CPS1: variants seen among roughly 807,000 people sequenced by gnomAD.
CPS1 encodes carbamoyl-phosphate synthase 1.
Under a neutral mutation model 174.6 loss-of-function variants are expected in CPS1, and 109 were observed. The ratio of observed to expected loss-of-function variants is 0.62; its 90% confidence interval spans 0.53 to 0.73. CPS1 has a LOEUF of 0.73. Ranked by LOEUF, CPS1 falls within the 30% of genes least tolerant of loss-of-function variation. CPS1 has a pLI of 0.00. For synonymous variants in CPS1, 637 were observed against 632.0 expected (o/e 1.01, Z -0.12); for missense variants, 1,689 against 1,821.9 (o/e 0.93, Z 1.33).
At position 210,600,611 on chromosome 2, in the gene CPS1, A is replaced by G; in HGVS notation, c.1606A>G (p.Thr536Ala). 1 of 1,612,328 alleles carries G rather than the reference A, an allele frequency of 6.2e-7. No homozygotes were observed. ...LKEYGVKVLGTSVESIMATED... is the reference protein window; with the variant it reads ...LKEYGVKVLGASVESIMATED... ...GGAATATGGTGTGAAAGTCCTGGGA[A>G]CTTCAGTTGAGTCCATTATGGCTAC... Residue 536 changes from threonine to alanine, a missense_variant, in exon 15 of 38, where the codon ACT becomes GCT. Thr to Ala is a moderately conservative substitution (Grantham distance 58). Transcript: ENST00000233072.
Position 210,573,349 on chromosome 2 carries a change from T to A in CPS1, c.178T>A (p.Ser60Thr), listed in dbSNP as rs1022147946. The A allele has an allele frequency of 6.2e-7, 1 of 1,613,156 alleles. No homozygotes were observed. The highest frequency in any genetic ancestry group is 2.2e-5 in the East Asian group (1 of 44,878). Residue 60 changes from serine (S) to threonine (T), a missense_variant, in exon 2 of 38, where the codon TCC becomes ACC. Ser to Thr is a moderately conservative substitution (Grantham distance 58). Transcript: ENST00000233072. ...AGATGGAACTAAGATGAAAGGTTAC[T>A]CCTTTGGCCATCCATCCTCTGTTGC... ...LEDGTKMKGYSFGHPSSVAGE... is the reference protein window; with the variant it reads ...LEDGTKMKGYTFGHPSSVAGE...
intron 7 of CPS1, among the ~76,000 whole-genome samples, chr2:210,589,880 G>C (rs1282876031): frequency 6.6e-6 from 1 of 151,660 alleles, no homozygotes; most frequent in African/African-American, 2.4e-5. Flanking sequence ...GACTTCCTGG[G>C]CTCAAGCAAT....
intron 1 of CPS1, among the ~76,000 whole-genome samples, chr2:210,547,976 T>C (rs1696606813): frequency 6.6e-6 from 1 of 152,020 alleles, no homozygotes; most frequent in Admixed American, 6.6e-5. Context: ...TGTTAATTAG[T>C]TAATCAAGTA....
chr2:210,486,234 G>A (rs1694720925), intron 1 of CPS1, among the ~76,000 whole-genome samples: 1 of 150,990 alleles, frequency 6.6e-6, no homozygotes, highest in African/African-American at 2.4e-5. Context: ...TTTAAATTGG[G>A]ATGTTTATTT....
intron 30 of CPS1, chr2:210,658,183 T>C: frequency 4.4e-6 from 1 of 228,658 alleles, no homozygotes; most frequent in Non-Finnish European, 8.7e-6. Flanking sequence ...ATCTCTCTGG[T>C]TTCTTTGCAG....
At chr2:210,490,845 T>C (rs1694856204) in intron 1 of CPS1, among the ~76,000 whole-genome samples, 1 of 152,210 alleles carries the variant, frequency 6.6e-6, no homozygotes, top group Non-Finnish European at 1.5e-5. Flanking sequence ...GTTTATAGTT[T>C]TTGTGTGTAA....
chr2:210,529,381 C>T (rs1696059435), intron 1 of CPS1, among the ~76,000 whole-genome samples: 1 of 151,918 alleles, frequency 6.6e-6, no homozygotes, highest in East Asian at 1.9e-4. Context: ...CAGAATAAAC[C>T]TATTTTAGAG....
At position 210,648,669 on chromosome 2, in the gene CPS1, A is replaced by G. The variant is rs192028513; in HGVS notation, c.3404+129A>G. Reference sequence around the variant, plus strand: ...TAAATCCATTAACAATTTCCAAACCATCACAGCCAGTTTAAGGACCAATGT... The same window carrying G: ...TAAATCCATTAACAATTTCCAAACCGTCACAGCCAGTTTAAGGACCAATGT... On this transcript the variant is annotated intron_variant, in intron 27 of 37. Coordinates refer to ENST00000233072, the MANE Select transcript of CPS1 (RefSeq NM_001875.5). 128 of 824,086 alleles carry G rather than the reference A, an allele frequency of 1.6e-4. No homozygotes were observed. The African/African-American group carries it at 1.7e-3, about 11-fold the overall frequency. 51.0% of individuals were successfully genotyped at this position (824,086 alleles called of 1,614,324 possible).
At chr2:210,572,451 C>T (rs992730146) in intron 1 of CPS1, among the ~76,000 whole-genome samples, 6 of 151,780 alleles carry the variant, frequency 4.0e-5, no homozygotes, top group Non-Finnish European at 5.9e-5. Context: ...TTGAATTTTA[C>T]GGAAATTGAG....
chr2:210,608,581 CT>C (rs1411943576), intron 19 of CPS1, 22 bp downstream of exon 19: 1 of 1,604,790 alleles, frequency 6.2e-7, no homozygotes, highest in Non-Finnish European at 8.5e-7. Context: ...GTTTATTACG[CT>C]TTTCTTCTTG....
intron 1 of CPS1, among the ~76,000 whole-genome samples, chr2:210,535,315 C>G (rs1164002593): frequency 6.6e-6 from 1 of 152,152 alleles, no homozygotes. Context: ...GGTTAGGCAC[C>G]TACCCCTGTC....
At chr2:210,509,418 A>G (rs975035516) in intron 1 of CPS1, among the ~76,000 whole-genome samples, 1 of 152,186 alleles carries the variant, frequency 6.6e-6, no homozygotes, top group Non-Finnish European at 1.5e-5. Context: ...ACCCACAGCC[A>G]ATATCATACT....
At chr2:210,592,168 T>C (rs1435741893) in intron 10 of CPS1, among the ~76,000 whole-genome samples, 199 bp downstream of exon 10, 1 of 152,084 alleles carries the variant, frequency 6.6e-6, no homozygotes, top group Non-Finnish European at 1.5e-5. Context: ...ATTTCAAATC[T>C]TCTCTTCTAG....
intron 15 of CPS1, among the ~76,000 whole-genome samples, chr2:210,600,949 C>CA (rs1288095045): frequency 1.3e-5 from 2 of 151,868 alleles, no homozygotes; most frequent in African/African-American, 4.8e-5. Context: ...AGTGGTTTAT[C>CA]AAGGCTTGAA....
intron 1 of CPS1, among the ~76,000 whole-genome samples, chr2:210,524,543 C>T (rs1173606641): frequency 8.6e-5 from 13 of 151,812 alleles, no homozygotes; most frequent in Non-Finnish European, 1.2e-4. Context: ...TATCTGTTTC[C>T]TTATTTTATG....
intron 21 of CPS1, among the ~76,000 whole-genome samples, chr2:210,633,699 C>A (rs7607412): frequency 0.31 from 46,958 of 151,994 alleles, 7,837 homozygotes; most frequent in Middle Eastern, 0.42. Context: ...CCTTTGAAAA[C>A]CTGACTGGTA....
chr2:210,530,389 T>C (rs1359808624), intron 1 of CPS1, among the ~76,000 whole-genome samples: 2 of 152,110 alleles, frequency 1.3e-5, no homozygotes, highest in Non-Finnish European at 2.9e-5. Context: ...AATAAAATTA[T>C]TCACTATTTT....
chr2:210,478,532 C>T (rs1486483914), intron 1 of CPS1, among the ~76,000 whole-genome samples: 2 of 152,042 alleles, frequency 1.3e-5, no homozygotes, highest in African/African-American at 4.8e-5. Context: ...ATATTAATCT[C>T]CTTTCACTTT....
intron 32 of CPS1, 42 bp downstream of exon 32, chr2:210,660,697 G>T (rs1193776205): frequency 1.9e-6 from 3 of 1,568,382 alleles, no homozygotes. Context: ...ATGAGTTCTA[G>T]TGAAATTAAA....
Sources: allele counts gnomAD v4.1 joint callset (sites outside exome capture counted in the v4.1 genomes callset), GRCh38; gene constraint gnomAD v4.1.1; transcripts MANE v1.5; gene names NCBI Gene and HGNC (gene_info 2026-07-23, HGNC 2026-07-21).